CPA5: variants seen among roughly 807,000 people sequenced by gnomAD.
CPA5 encodes the protein testicular tissue protein Li 32.
Under a neutral mutation model 52.2 loss-of-function variants are expected in CPA5, and 38 were observed. The ratio of observed to expected loss-of-function variants is 0.73; its 90% CI spans 0.56 to 0.95. CPA5 has a LOEUF of 0.95. Ranked by LOEUF, CPA5 falls within the 40% of genes least tolerant of loss-of-function variation. CPA5 has a pLI of 0.00. For synonymous variants in CPA5, 198 were observed against 213.7 expected (o/e 0.93, Z 0.64); for missense variants, 519 against 566.7 (o/e 0.92, Z 0.86).
rs571810264 is a variant in CPA5, at chr7:130,362,411, G to C, written c.535-27G>C. ...CAGTAGCTGTCTGAGTTCAAACCTCGGTTTGGGGCCCGATTCTTTTTCTCA... is the reference window on the plus strand; with the variant it reads ...CAGTAGCTGTCTGAGTTCAAACCTCCGTTTGGGGCCCGATTCTTTTTCTCA... On this transcript the variant is annotated intron_variant, in intron 7 of 12. Coordinates refer to ENST00000474905, the MANE Select transcript of CPA5 (RefSeq NM_080385.5). 1.9e-6 allele frequency: 3 copies of C among 1,564,908 alleles called. No homozygotes were observed. The East Asian group carries it at 6.8e-5, about 35-fold the overall frequency.
chr7:130,353,231 ATCCCTG>A (rs67380912), intron 5 of CPA5, among the ~76,000 whole-genome samples: 74,027 of 151,098 alleles, frequency 0.49, 18,291 homozygotes, highest in Admixed American at 0.55. Flanking sequence ...TGTCATCTCC[ATCCCTG>A]TCCGCCAGCA....
At chr7:130,347,522 C>T (rs537963853) in intron 3 of CPA5, among the ~76,000 whole-genome samples, 137 of 152,290 alleles carry the variant, frequency 9.0e-4, no homozygotes, top group African/African-American at 2.8e-3. Context: ...ATTTAGCCCC[C>T]GGGGTGGTCT....
chr7:130,358,018 G>A (rs1213853800), intron 5 of CPA5, among the ~76,000 whole-genome samples: 1 of 146,618 alleles, frequency 6.8e-6, no homozygotes, highest in Non-Finnish European at 1.5e-5. Context: ...TCACTCTGTT[G>A]CCCAGCCTGG....
intron 5 of CPA5, among the ~76,000 whole-genome samples, chr7:130,357,423 A>G (rs1379355797): frequency 6.6e-6 from 1 of 152,110 alleles, no homozygotes. Context: ...GGAGTTCAAG[A>G]CCAGCCTGAC....
Position 130,345,900 on chromosome 7 carries a change from G to A in CPA5, c.-94+4G>A, listed in dbSNP as rs1794701837. On this transcript the variant is annotated splice_donor_region_variant and intron_variant, in intron 2 of 12. Transcript: ENST00000474905. ...ATACCCCTTCAAACCCTGTGAGGTA[G>A]GGAGGGGAGGTATGATTAACCCCAT... is the stretch of plus-strand genomic sequence containing the variant. The A allele has an allele frequency of 6.6e-6, 1 of 152,230 alleles. No individual in the cohort carries two copies. Among genetic ancestry groups the A allele is most frequent in the Non-Finnish European group, 1.5e-5 (1 of 68,038 alleles). The allele number at this position is 152,230 out of a possible 1,614,324, so 9.4% of individuals were successfully genotyped here.
At chr7:130,374,479 C>T in the CPA5 span, among the ~76,000 whole-genome samples, 655 of 152,354 alleles carry the variant, frequency 4.3e-3, 8 homozygotes, top group African/African-American at 0.015. Flanking sequence ...CCTTCCTGCC[C>T]TGTCAGCCCA....
At chr7:130,347,461 C>T (rs1445901002) in intron 3 of CPA5, among the ~76,000 whole-genome samples, 4 of 152,160 alleles carry the variant, frequency 2.6e-5, no homozygotes, top group Admixed American at 2.6e-4. Context: ...CCTTTCCCTT[C>T]CTTCTTCCCC....
chr7:130,368,306 G>T (rs797028539), intron 12 of CPA5, 104 bp from the exon 13 acceptor site: 1 of 1,154,920 alleles, frequency 8.7e-7, no homozygotes, highest in East Asian at 2.4e-5. Context: ...GGTGGGTGGG[G>T]GTTTGGCTCC....
At chr7:130,362,785 A>C in intron 8 of CPA5, 99 bp from the exon 9 acceptor site, 2 of 749,784 alleles carry the variant, frequency 2.7e-6, no homozygotes, top group Non-Finnish European at 2.3e-6. Flanking sequence ...CAGGGGTTTC[A>C]TGCCATCCCT....
At chr7:130,361,666 T>C (rs1795798780) in intron 7 of CPA5, among the ~76,000 whole-genome samples, 2 of 152,146 alleles carry the variant, frequency 1.3e-5, no homozygotes, top group Non-Finnish European at 2.9e-5. Context: ...CCTGAGTCTA[T>C]AGAGAAGCCT....
At chr7:130,351,868 G>A (rs782386171) in intron 5 of CPA5, among the ~76,000 whole-genome samples, 2 of 152,168 alleles carry the variant, frequency 1.3e-5, no homozygotes, top group Non-Finnish European at 2.9e-5. Context: ...GCCCTCTGCG[G>A]TTGTCTGCTG....
chr7:130,367,233 T>G, intron 10 of CPA5, 139 bp from the exon 11 acceptor site: 2 of 691,288 alleles, frequency 2.9e-6, no homozygotes, highest in Non-Finnish European at 5.0e-6. Flanking sequence ...CACCTTTCCA[T>G]TGGTCAAAGT....
intron 5 of CPA5, among the ~76,000 whole-genome samples, chr7:130,357,665 T>C (rs1265083605): frequency 1.3e-5 from 2 of 151,912 alleles, no homozygotes; most frequent in South Asian, 2.1e-4. Flanking sequence ...TATAAGCACA[T>C]TGCCAAAATG....
downstream of CPA5, among the ~76,000 whole-genome samples, chr7:130,371,939 C>A (rs1170532500): frequency 1.3e-5 from 2 of 152,156 alleles, no homozygotes; most frequent in Non-Finnish European, 2.9e-5. Flanking sequence ...GGACCTCTTG[C>A]CTCCCTGCTC....
chr7:130,353,477 G>A (rs1431023503), intron 5 of CPA5, among the ~76,000 whole-genome samples: 3 of 152,098 alleles, frequency 2.0e-5, no homozygotes, highest in Admixed American at 1.3e-4. Context: ...CCACCTGGGG[G>A]TGCAATGGGC....
intron 10 of CPA5, 102 bp from the exon 11 acceptor site, chr7:130,367,270 A>G: frequency 9.9e-7 from 1 of 1,013,096 alleles, no homozygotes; most frequent in Non-Finnish European, 1.5e-6. Flanking sequence ...TCATACTGCA[A>G]AGGAGGCTGG....
intron 3 of CPA5, among the ~76,000 whole-genome samples, chr7:130,347,518 C>T (rs1361912142): frequency 2.0e-5 from 3 of 152,174 alleles, no homozygotes; most frequent in Admixed American, 2.0e-4. Context: ...CTTTATTTAG[C>T]CCCCGGGGTG....
At chr7:130,352,135 C>T (rs149376244) in intron 5 of CPA5, among the ~76,000 whole-genome samples, 7 of 152,172 alleles carry the variant, frequency 4.6e-5, no homozygotes, top group African/African-American at 1.4e-4. Flanking sequence ...TGGAAAACCT[C>T]GATGCTGGTT....
chr7:130,352,839 G>GT lies in CPA5; in HGVS notation c.333+2741dup, dbSNP rs1323770844. ...TCACCTCGTTCTTTTCAGCCCTTTG[G>GT]TTTTTTTTTTTATTTTTTCCCTAGG... On this transcript the variant is annotated intron_variant, in intron 5 of 12. Transcript: ENST00000474905. 6.2e-3 allele frequency among the ~76,000 whole-genome samples: 907 copies of GT among 146,864 alleles called. 5 individuals are homozygous for GT. The highest frequency in any genetic ancestry group is 0.019 in the African/African-American group (759 of 40,142).
Sources: gnomAD v4.1 joint callset for allele counts (sites outside exome capture counted in the v4.1 genomes callset) on GRCh38, gnomAD v4.1.1 for gene constraint, MANE v1.5 for transcripts, NCBI Gene and HGNC (gene_info 2026-07-23, HGNC 2026-07-21) for gene names.